The following DTNBP1 variants were observed in gnomAD, a reference collection of about 807,000 sequenced individuals.
DTNBP1 encodes dysbindin.
In DTNBP1, 35 loss-of-function variants were observed where a neutral mutation model predicts 42.8. That is an observed-to-expected ratio of 0.82 (90% CI 0.63 to 1.09). DTNBP1 has a LOEUF of 1.09. Among genes scored for constraint, DTNBP1 ranks in the 50% least tolerant of loss-of-function variants. DTNBP1 has a pLI of 0.00. For synonymous variants in DTNBP1, 171 were observed against 162.2 expected (o/e 1.05, Z -0.41); for missense variants, 457 against 424.2 (o/e 1.08, Z -0.68).
At chr6:15,644,130 T>C (rs1581429528) in intron 3 of DTNBP1, among the ~76,000 whole-genome samples, 1 of 151,318 alleles carries the variant, frequency 6.6e-6, no homozygotes, top group East Asian at 1.9e-4. Flanking sequence ...GAACAGAGGT[T>C]GCTACTCTTG....
At chr6:15,646,944 G>A (rs1367419656) in intron 3 of DTNBP1, among the ~76,000 whole-genome samples, 2 of 151,754 alleles carry the variant, frequency 1.3e-5, no homozygotes, top group African/African-American at 2.4e-5. Flanking sequence ...ACCCTTTTGG[G>A]CACTGGCCTA....
At chr6:15,656,365 T>C in intron 1 of DTNBP1, among the ~76,000 whole-genome samples, 1 of 152,224 alleles carries the variant, frequency 6.6e-6, no homozygotes. Flanking sequence ...TTCAAAGCAC[T>C]AAACCTCAAA....
At chr6:15,530,931 G>A (rs1036175993) in intron 8 of DTNBP1, among the ~76,000 whole-genome samples, 2 of 152,084 alleles carry the variant, frequency 1.3e-5, no homozygotes, top group African/African-American at 4.8e-5. Context: ...CATAAAATTT[G>A]TATGTTGAAG....
intron 6 of DTNBP1, among the ~76,000 whole-genome samples, chr6:15,610,594 G>C (rs971785456): frequency 1.2e-4 from 19 of 152,198 alleles, no homozygotes; most frequent in African/African-American, 4.3e-4. Context: ...AAAATGGTTA[G>C]GTAGGTTGTG....
At chr6:15,525,039 G>A (rs547288023) in intron 8 of DTNBP1, among the ~76,000 whole-genome samples, 3 of 152,316 alleles carry the variant, frequency 2.0e-5, no homozygotes, top group South Asian at 2.1e-4. Flanking sequence ...CCACAGCTCT[G>A]CTTCCTGCCT....
intron 7 of DTNBP1, among the ~76,000 whole-genome samples, chr6:15,536,059 A>G (rs1301686975): frequency 6.6e-6 from 1 of 152,238 alleles, no homozygotes; most frequent in Non-Finnish European, 1.5e-5. Flanking sequence ...CATGACCTGG[A>G]TTATTCTGAA....
chr6:15,548,953 T>C (rs967195247), intron 7 of DTNBP1, among the ~76,000 whole-genome samples: 7 of 152,212 alleles, frequency 4.6e-5, no homozygotes, highest in Admixed American at 6.5e-5. Flanking sequence ...TGTATATTTT[T>C]CTATCTTATT....
chr6:15,607,524 A>C (rs1484080808), intron 6 of DTNBP1, among the ~76,000 whole-genome samples: 1 of 151,186 alleles, frequency 6.6e-6, no homozygotes, highest in East Asian at 1.9e-4. Context: ...CTGGTCTCAA[A>C]CTCCTGACCT....
intron 8 of DTNBP1, among the ~76,000 whole-genome samples, chr6:15,530,850 T>C (rs1772769070): frequency 1.3e-5 from 2 of 152,178 alleles, no homozygotes; most frequent in Admixed American, 6.5e-5. Context: ...CATGAGACAT[T>C]GGTGCGATGT....
At chr6:15,586,931 G>T (rs1280367893) in intron 7 of DTNBP1, among the ~76,000 whole-genome samples, 1 of 152,154 alleles carries the variant, frequency 6.6e-6, no homozygotes, top group African/African-American at 2.4e-5. Context: ...CTCTTCTCGT[G>T]CCTGTCTGGT....
At chr6:15,556,371 G>A (rs528161206) in intron 7 of DTNBP1, among the ~76,000 whole-genome samples, 42 of 151,952 alleles carry the variant, frequency 2.8e-4, no homozygotes, top group Non-Finnish European at 4.3e-4. Context: ...TAGTAGAGAC[G>A]GGGTTTCACC....
intron 3 of DTNBP1, among the ~76,000 whole-genome samples, chr6:15,648,289 T>C (rs966513033): frequency 1.3e-5 from 2 of 152,072 alleles, no homozygotes; most frequent in Admixed American, 6.5e-5. Flanking sequence ...ATACTCAATG[T>C]TGAAAGACTG....
intron 2 of DTNBP1, 49 bp from the exon 3 acceptor site, chr6:15,651,412 A>G (rs1421743546): frequency 3.7e-6 from 2 of 544,588 alleles, no homozygotes; most frequent in Non-Finnish European, 5.2e-6. Context: ...TAGCCAACTG[A>G]AAAAAAAAAA....
chr6:15,660,009 G>T (rs1177240492), intron 1 of DTNBP1, among the ~76,000 whole-genome samples: 8 of 152,058 alleles, frequency 5.3e-5, no homozygotes, highest in Non-Finnish European at 7.4e-5. Context: ...TTAAAAATTG[G>T]TTTTTAAACA....
intron 9 of DTNBP1, chr6:15,524,257 G>T (rs1253485277): frequency 9.4e-6 from 15 of 1,596,972 alleles, no homozygotes; most frequent in Non-Finnish European, 1.3e-5. Flanking sequence ...GGGTGGTAAA[G>T]GAGGGAAAAC....
chr6:15,625,954 T>C (rs1042779039), intron 5 of DTNBP1, among the ~76,000 whole-genome samples: 7 of 152,326 alleles, frequency 4.6e-5, no homozygotes, highest in African/African-American at 1.7e-4. Flanking sequence ...TTTTACACTT[T>C]TCTAAGACCC....
At chr6:15,556,607 T>C (rs1338401741) in intron 7 of DTNBP1, among the ~76,000 whole-genome samples, 2 of 152,178 alleles carry the variant, frequency 1.3e-5, no homozygotes, top group South Asian at 2.1e-4. Flanking sequence ...TAAGAGCTCA[T>C]GAAGATGCTG....
At chr6:15,566,006 CACA>C (rs1775055540) in intron 7 of DTNBP1, among the ~76,000 whole-genome samples, 2 of 152,190 alleles carry the variant, frequency 1.3e-5, no homozygotes, top group African/African-American at 4.8e-5. Context: ...GTAGAAAGAT[CACA>C]GGCTCTAAAG....
At chr6:15,605,156 G>A (rs1252577231) in intron 6 of DTNBP1, among the ~76,000 whole-genome samples, 3 of 152,192 alleles carry the variant, frequency 2.0e-5, no homozygotes, top group Non-Finnish European at 4.4e-5. Context: ...AAGGGATCTA[G>A]AAACTTGGAA....
Sources: allele counts gnomAD v4.1 joint callset (sites outside exome capture counted in the v4.1 genomes callset), GRCh38; gene constraint gnomAD v4.1.1; transcripts MANE v1.5; gene names NCBI Gene and HGNC (gene_info 2026-07-23, HGNC 2026-07-21).